The following KCNMB2 variants were observed in gnomAD, a reference collection of about 807,000 sequenced individuals.
The protein encoded by KCNMB2 is calcium-activated potassium channel subunit beta-2.
Under a neutral mutation model 24.5 loss-of-function variants are expected in KCNMB2, and 9 were observed. The observed-to-expected ratio is 0.37, with a 90% CI of 0.22 to 0.64. The LOEUF (loss-of-function observed/expected upper bound fraction) is 0.64, where lower values mean the gene tolerates loss of function less well. KCNMB2 is among the 30% of genes least tolerant of loss of function. The pLI, the probability that KCNMB2 is intolerant of heterozygous loss-of-function variation, is 0.63. For synonymous variants in KCNMB2, 109 were observed against 104.4 expected, an observed-to-expected ratio of 1.04 and a Z score of -0.27; for missense variants, 226 against 284.3, an observed-to-expected ratio of 0.79 and a Z score of 1.47.
At chr3:178,666,230 G>C (rs1047606685) in intron 1 of KCNMB2, among the ~76,000 whole-genome samples, 1 of 152,132 alleles carries the variant, frequency 6.6e-6, no homozygotes, top group Non-Finnish European at 1.5e-5. Context: ...ACTTACATTT[G>C]CAAGAGGGTC....
At chr3:178,591,499 G>A (rs998819237) in intron 1 of KCNMB2, among the ~76,000 whole-genome samples, 6 of 152,110 alleles carry the variant, frequency 3.9e-5, no homozygotes, top group Admixed American at 3.3e-4. Flanking sequence ...CTCAGGAGGA[G>A]GGAGCACTCC....
chr3:178,782,510 G>A (rs1413710768), intron 1 of KCNMB2, among the ~76,000 whole-genome samples: 1 of 150,316 alleles, frequency 6.7e-6, no homozygotes, highest in African/African-American at 2.4e-5. Context: ...GTATCTCATT[G>A]TGGTTTTGAT....
At chr3:178,605,881 A>C (rs1473287872) in intron 1 of KCNMB2, among the ~76,000 whole-genome samples, 1 of 152,214 alleles carries the variant, frequency 6.6e-6, no homozygotes, top group African/African-American at 2.4e-5. Flanking sequence ...AAAATGACAT[A>C]ACAATAGAAT....
At chr3:178,778,483 C>CACAT (rs1204313342) in intron 1 of KCNMB2, among the ~76,000 whole-genome samples, 1 of 110,582 alleles carries the variant, frequency 9.0e-6, no homozygotes, top group African/African-American at 3.8e-5. Context: ...CACACACACA[C>CACAT]ACACACACAC....
chr3:178,772,309 G>A (rs1316657925), intron 1 of KCNMB2, among the ~76,000 whole-genome samples: 2 of 152,214 alleles, frequency 1.3e-5, no homozygotes, highest in East Asian at 1.9e-4. Context: ...AGTTGATATG[G>A]TTTGGCTGTG....
intron 4 of KCNMB2, among the ~76,000 whole-genome samples, chr3:178,837,286 G>C (rs1409609347): frequency 6.6e-6 from 1 of 152,102 alleles, no homozygotes; most frequent in Non-Finnish European, 1.5e-5. Context: ...AATTTATTGA[G>C]GCTTTATGCA....
intron 1 of KCNMB2, among the ~76,000 whole-genome samples, chr3:178,799,709 G>C (rs1407511150): frequency 6.6e-6 from 1 of 152,052 alleles, no homozygotes. Context: ...AAAAGACCTA[G>C]AGTAGCCAAA....
rs367659731 is a variant in KCNMB2, at chr3:178,758,126, G to A, written c.-67-49217G>A. ...TATACACACAAGAGGATATATATAT[G>A]TACACACAAGAGGATATATATATAT... is the stretch of plus-strand genomic sequence containing the variant. On this transcript the variant is annotated intron_variant, in intron 1 of 4. Coordinates refer to ENST00000452583, the MANE Select transcript of KCNMB2 (RefSeq NM_181361.3). Among the ~76,000 whole-genome samples the A allele has an allele frequency of 5.7e-4, 11 of 19,214 alleles. 1 individual carries two copies. The highest frequency in any genetic ancestry group is 4.1e-3 in the South Asian group (3 of 728). 12.6% of individuals were successfully genotyped at this position (19,214 alleles called of 152,430 possible).
At chr3:178,633,591 G>A (rs1466986726) in intron 1 of KCNMB2, among the ~76,000 whole-genome samples, 1 of 152,160 alleles carries the variant, frequency 6.6e-6, no homozygotes, top group Non-Finnish European at 1.5e-5. Flanking sequence ...GTGGTCACAG[G>A]GTGGGTGGGC....
intron 1 of KCNMB2, among the ~76,000 whole-genome samples, chr3:178,561,660 C>T (rs912399467): frequency 1.3e-5 from 2 of 152,140 alleles, no homozygotes; most frequent in Non-Finnish European, 2.9e-5. Context: ...CAATTTTTTA[C>T]CTTTTGCAAA....
At chr3:178,682,366 T>C (rs1340842872) in intron 1 of KCNMB2, among the ~76,000 whole-genome samples, 1 of 152,062 alleles carries the variant, frequency 6.6e-6, no homozygotes, top group African/African-American at 2.4e-5. Context: ...TGTCTTCTCC[T>C]TGCAAATTTT....
At chr3:178,782,331 G>C (rs1712890577) in intron 1 of KCNMB2, among the ~76,000 whole-genome samples, 1 of 144,530 alleles carries the variant, frequency 6.9e-6, no homozygotes. Flanking sequence ...GGGTCAAATG[G>C]TATTTCTAGT....
chr3:178,540,198 CTCTT>C (rs1330348155), intron 1 of KCNMB2, among the ~76,000 whole-genome samples: 3 of 152,208 alleles, frequency 2.0e-5, no homozygotes, highest in Non-Finnish European at 2.9e-5. Flanking sequence ...CTGTGATCCT[CTCTT>C]TCTTTTGCAC....
chr3:178,660,122 A>G (rs1212144684), intron 1 of KCNMB2, among the ~76,000 whole-genome samples: 3 of 152,162 alleles, frequency 2.0e-5, no homozygotes, highest in Non-Finnish European at 4.4e-5. Flanking sequence ...ACAGTCCTGT[A>G]TCTGAATCCA....
chr3:178,730,209 A>C lies in KCNMB2; in HGVS notation c.-67-77134A>C, dbSNP rs548105079. 3.3e-5 allele frequency among the ~76,000 whole-genome samples: 5 copies of C among 152,290 alleles called. No individual in the cohort carries two copies. In the South Asian group the frequency reaches 6.2e-4, roughly 19 times the overall value. ...CTAATAACAATCACATACTACTAAA[A>C]AATTTGTGCTTTGAGGTGGCCCTAT... On this transcript the variant is annotated intron_variant, in intron 1 of 4. Transcript: ENST00000452583.
intron 1 of KCNMB2, among the ~76,000 whole-genome samples, chr3:178,663,413 C>A (rs1475625105): frequency 6.6e-6 from 1 of 152,114 alleles, no homozygotes; most frequent in African/African-American, 2.4e-5. Flanking sequence ...CATGACATCA[C>A]ACTTGCCTCC....
chr3:178,793,520 G>GGGC (rs1199058266), intron 1 of KCNMB2, among the ~76,000 whole-genome samples: 1 of 152,018 alleles, frequency 6.6e-6, no homozygotes, highest in East Asian at 1.9e-4. Context: ...ACCCTGGGGG[G>GGGC]GTGGGCAATG....
chr3:178,577,687 G>T (rs1178999090), intron 1 of KCNMB2, among the ~76,000 whole-genome samples: 1 of 152,196 alleles, frequency 6.6e-6, no homozygotes, highest in Admixed American at 6.5e-5. Context: ...CACAAGTTTA[G>T]AGAAGATGGA....
At chr3:178,752,538 A>G (rs1182646836) in intron 1 of KCNMB2, among the ~76,000 whole-genome samples, 1 of 152,192 alleles carries the variant, frequency 6.6e-6, no homozygotes, top group African/African-American at 2.4e-5. Flanking sequence ...GAAGCCATTA[A>G]TGACTTTTAA....
Sources: allele counts gnomAD v4.1 joint callset (sites outside exome capture counted in the v4.1 genomes callset), GRCh38; gene constraint gnomAD v4.1.1; transcripts MANE v1.5; gene names NCBI Gene and HGNC (gene_info 2026-07-23, HGNC 2026-07-21).